The following SLC24A3 variants were observed in gnomAD, a reference collection of about 807,000 sequenced individuals.
SLC24A3 encodes sodium/potassium/calcium exchanger 3.
Under a neutral mutation model 75.8 loss-of-function variants are expected in SLC24A3, and 28 were observed. The observed-to-expected ratio is 0.37, with a 90% CI of 0.27 to 0.51. The LOEUF (loss-of-function observed/expected upper bound fraction) is 0.51. SLC24A3 is among the 20% of genes least tolerant of loss of function. SLC24A3 has a pLI of 0.94. For missense variants in SLC24A3, 663 were observed against 847.8 expected (o/e 0.78, Z 2.71); for synonymous variants, 372 against 334.1 (o/e 1.11, Z -1.24).
At chr20:19,569,412 A>G (rs2031013616) in intron 3 of SLC24A3, among the ~76,000 whole-genome samples, 1 of 152,096 alleles carries the variant, frequency 6.6e-6, no homozygotes, top group Non-Finnish European at 1.5e-5. Context: ...CCCTTTCCTC[A>G]TCCTTCCACT....
chr20:19,410,137 T>C (rs566013022), intron 2 of SLC24A3, among the ~76,000 whole-genome samples: 3 of 152,098 alleles, frequency 2.0e-5, no homozygotes, highest in East Asian at 1.9e-4. Flanking sequence ...TAGAAAAACG[T>C]TGGAAGGAAC....
chr20:19,409,961 T>A (rs905427150), intron 2 of SLC24A3, among the ~76,000 whole-genome samples: 1 of 152,100 alleles, frequency 6.6e-6, no homozygotes, highest in African/African-American at 2.4e-5. Context: ...TTTTTATGTT[T>A]ATCCTTTTTT....
chr20:19,593,052 T>G (rs1343956218), intron 6 of SLC24A3, among the ~76,000 whole-genome samples: 1 of 152,156 alleles, frequency 6.6e-6, no homozygotes, highest in East Asian at 1.9e-4. Flanking sequence ...TGCCTCAGCC[T>G]CCCCAAGTGC....
At chr20:19,526,661 G>T (rs933560399) in intron 3 of SLC24A3, among the ~76,000 whole-genome samples, 7 of 152,194 alleles carry the variant, frequency 4.6e-5, no homozygotes, top group Admixed American at 3.9e-4. Flanking sequence ...CCCACTATCA[G>T]AGGGTCCACA....
chr20:19,605,295 A>G lies in SLC24A3; in HGVS notation c.612+19751A>G, dbSNP rs140784326. On this transcript the variant is annotated intron_variant, in intron 6 of 16. Coordinates refer to ENST00000328041, the MANE Select transcript of SLC24A3 (RefSeq NM_020689.4). ...AGCTGTCTGATGTCTAAAGACTTTT[A>G]CACTGTGTTTATTTCCAGTCCTTTC... Among the ~76,000 whole-genome samples, 1,249 of 151,074 alleles carry G rather than the reference A, an allele frequency of 8.3e-3. 7 individuals are homozygous for G. Among genetic ancestry groups the G allele is most frequent in the Non-Finnish European group, 0.015 (1,025 of 67,792 alleles).
intron 1 of SLC24A3, among the ~76,000 whole-genome samples, chr20:19,274,718 G>T (rs1983432496): frequency 6.6e-6 from 1 of 152,198 alleles, no homozygotes; most frequent in South Asian, 2.1e-4. Context: ...ATCCTTCCAA[G>T]ACTTCAGGGG....
intron 2 of SLC24A3, among the ~76,000 whole-genome samples, chr20:19,448,697 T>A (rs1987429812): frequency 6.6e-6 from 1 of 152,198 alleles, no homozygotes; most frequent in Non-Finnish European, 1.5e-5. Context: ...GGCCGCACCA[T>A]TCAGCAGTAT....
chr20:19,298,356 T>C (rs775104695), intron 2 of SLC24A3, among the ~76,000 whole-genome samples: 6 of 152,214 alleles, frequency 3.9e-5, no homozygotes, highest in Non-Finnish European at 8.8e-5. Context: ...TTTTTATGTG[T>C]TGGTTCCTGA....
chr20:19,619,395 C>A (rs1160434420), intron 6 of SLC24A3, among the ~76,000 whole-genome samples: 4 of 152,164 alleles, frequency 2.6e-5, no homozygotes, highest in Non-Finnish European at 5.9e-5. Context: ...TTGAATGTTT[C>A]CAGCTGGGAA....
At chr20:19,384,295 A>T (rs1205653852) in intron 2 of SLC24A3, among the ~76,000 whole-genome samples, 1 of 152,194 alleles carries the variant, frequency 6.6e-6, no homozygotes, top group Non-Finnish European at 1.5e-5. Flanking sequence ...CATCCTGCGT[A>T]ACTGAAACTT....
At chr20:19,617,853 A>G (rs903883389) in intron 6 of SLC24A3, among the ~76,000 whole-genome samples, 1 of 152,134 alleles carries the variant, frequency 6.6e-6, no homozygotes, top group Non-Finnish European at 1.5e-5. Context: ...ACGAGGCGGC[A>G]TGTTACATAA....
chr20:19,549,923 T>C (rs1318127013), intron 3 of SLC24A3, among the ~76,000 whole-genome samples: 1 of 152,380 alleles, frequency 6.6e-6, no homozygotes, highest in African/African-American at 2.4e-5. Flanking sequence ...GTTCCAAATA[T>C]GTTTTGAACA....
intron 2 of SLC24A3, among the ~76,000 whole-genome samples, chr20:19,348,529 G>A (rs529324522): frequency 6.6e-6 from 1 of 152,210 alleles, no homozygotes; most frequent in Admixed American, 6.5e-5. Context: ...TCTCTTGCTT[G>A]CATTCCTCCT....
At chr20:19,678,203 G>A (rs1171481059) in intron 9 of SLC24A3, among the ~76,000 whole-genome samples, 8 of 150,616 alleles carry the variant, frequency 5.3e-5, no homozygotes, top group South Asian at 2.1e-4. Context: ...ATCCTGGCCC[G>A]TTCTCAATGA....
intron 10 of SLC24A3, 65 bp downstream of exon 10, chr20:19,682,056 CAGCCT>C: frequency 3.3e-6 from 5 of 1,533,588 alleles, no homozygotes; most frequent in Non-Finnish European, 4.5e-6. Flanking sequence ...AGTTCAAGAC[CAGCCT>C]GGCCAACATG....
At chr20:19,642,105 A>T (rs997870722) in intron 6 of SLC24A3, among the ~76,000 whole-genome samples, 7 of 152,246 alleles carry the variant, frequency 4.6e-5, no homozygotes, top group African/African-American at 1.7e-4. Context: ...TGCTGAGCAC[A>T]GTGTTTGACA....
chr20:19,372,785 T>G (rs2122359016), intron 2 of SLC24A3, among the ~76,000 whole-genome samples: 1 of 151,378 alleles, frequency 6.6e-6, no homozygotes, highest in South Asian at 2.1e-4. Context: ...TGCCCGGCTT[T>G]CCCTCCCCGA....
chr20:19,276,913 T>A (rs933737937), intron 1 of SLC24A3, among the ~76,000 whole-genome samples: 2 of 151,446 alleles, frequency 1.3e-5, no homozygotes, highest in African/African-American at 2.4e-5. Flanking sequence ...AAAAAAAAAA[T>A]TGACCACTCT....
intron 2 of SLC24A3, among the ~76,000 whole-genome samples, chr20:19,476,990 C>A (rs1240652804): frequency 2.0e-5 from 3 of 152,034 alleles, no homozygotes; most frequent in African/African-American, 7.2e-5. Flanking sequence ...TGGGTAAACC[C>A]TACGGGTGTC....
Sources: allele counts gnomAD v4.1 joint callset (sites outside exome capture counted in the v4.1 genomes callset), GRCh38; gene constraint gnomAD v4.1.1; transcripts MANE v1.5; gene names NCBI Gene and HGNC (gene_info 2026-07-23, HGNC 2026-07-21).